CTNNA3: variants seen among roughly 807,000 people sequenced by gnomAD.
CTNNA3 encodes the protein catenin alpha 3.
Under a neutral mutation model 95.7 loss-of-function variants are expected in CTNNA3, and 76 were observed. That is an observed-to-expected ratio of 0.79 (90% CI 0.66 to 0.96). CTNNA3 has a LOEUF of 0.96. CTNNA3 is among the 40% of genes least tolerant of loss of function. The pLI is 0.00. For synonymous variants in CTNNA3, 431 were observed against 374.4 expected (o/e 1.15, Z -1.74); for missense variants, 1,191 against 1,089.8 (o/e 1.09, Z -1.31).
intron 13 of CTNNA3, among the ~76,000 whole-genome samples, chr10:66,199,304 G>GC (rs940879862): frequency 2.6e-5 from 4 of 151,968 alleles, no homozygotes; most frequent in African/African-American, 9.7e-5. Context: ...ATAGTACATT[G>GC]TTTTCAACCT....
chr10:67,430,571 G>T (rs2132894990), intron 5 of CTNNA3, among the ~76,000 whole-genome samples: 1 of 151,928 alleles, frequency 6.6e-6, no homozygotes, highest in Non-Finnish European at 1.5e-5. Context: ...GGAGATGGAA[G>T]GAGATAATAG....
At chr10:66,039,775 C>A (rs1457829000) in intron 15 of CTNNA3, among the ~76,000 whole-genome samples, 1 of 152,136 alleles carries the variant, frequency 6.6e-6, no homozygotes, top group Non-Finnish European at 1.5e-5. Flanking sequence ...ACTATAAAAA[C>A]CCTGGAAGAA....
chr10:66,013,975 C>T (rs1337833028), intron 15 of CTNNA3, among the ~76,000 whole-genome samples: 1 of 152,122 alleles, frequency 6.6e-6, no homozygotes, highest in Non-Finnish European at 1.5e-5. Flanking sequence ...TAATACTTTC[C>T]TTTAAAACCT....
At chr10:67,108,830 G>GT (rs1293245637) in intron 7 of CTNNA3, among the ~76,000 whole-genome samples, 8 of 151,928 alleles carry the variant, frequency 5.3e-5, no homozygotes, top group African/African-American at 1.7e-4. Flanking sequence ...TAGCTACTCA[G>GT]TTTTTTCTAG....
chr10:67,086,634 G>A (rs1857326590), intron 7 of CTNNA3, among the ~76,000 whole-genome samples: 1 of 151,886 alleles, frequency 6.6e-6, no homozygotes, highest in Non-Finnish European at 1.5e-5. Flanking sequence ...AATGCCAGTT[G>A]GAAAGCAAGT....
chr10:67,223,553 C>T (rs983523344), intron 5 of CTNNA3, among the ~76,000 whole-genome samples: 3 of 151,930 alleles, frequency 2.0e-5, no homozygotes, highest in African/African-American at 2.4e-5. Context: ...TTCCAGCTGA[C>T]GAAGAAACAC....
chr10:66,866,368 T>C (rs9414948), intron 7 of CTNNA3, among the ~76,000 whole-genome samples: 33,803 of 152,172 alleles, frequency 0.22, 4,319 homozygotes, highest in African/African-American at 0.35. Flanking sequence ...CTTTGCATCC[T>C]CCACTAGAGC....
At chr10:66,934,046 G>C (rs185923251) in intron 7 of CTNNA3, among the ~76,000 whole-genome samples, 3 of 152,004 alleles carry the variant, frequency 2.0e-5, no homozygotes, top group African/African-American at 7.2e-5. Flanking sequence ...TCCTGAACAC[G>C]TGAGGAAAAT....
chr10:66,410,938 A>G (rs903961658), intron 11 of CTNNA3, among the ~76,000 whole-genome samples: 4 of 152,204 alleles, frequency 2.6e-5, no homozygotes, highest in Non-Finnish European at 5.9e-5. Context: ...CTCAATATAT[A>G]GAAGAGTATA....
intron 15 of CTNNA3, among the ~76,000 whole-genome samples, chr10:65,997,308 TAAG>T (rs1423258806): frequency 6.6e-6 from 1 of 152,202 alleles, no homozygotes; most frequent in Non-Finnish European, 1.5e-5. Flanking sequence ...GGACAATTAA[TAAG>T]AAGTACTGAA....
At chr10:65,922,838 G>T (rs779619901) in intron 17 of CTNNA3, among the ~76,000 whole-genome samples, 7 of 152,134 alleles carry the variant, frequency 4.6e-5, no homozygotes, top group Non-Finnish European at 8.8e-5. Context: ...AGGTTTAATT[G>T]ACTCACAGTT....
At chr10:67,244,783 T>A (rs1039669587) in intron 5 of CTNNA3, among the ~76,000 whole-genome samples, 1 of 152,194 alleles carries the variant, frequency 6.6e-6, no homozygotes, top group African/African-American at 2.4e-5. Context: ...AAAACCGGTA[T>A]GAAAGTCAGT....
chr10:67,526,470 G>T (rs980853503), intron 4 of CTNNA3, among the ~76,000 whole-genome samples: 1 of 151,848 alleles, frequency 6.6e-6, no homozygotes. Flanking sequence ...CTGGCCTTGA[G>T]GTCTGAGGTT....
At chr10:66,117,212 G>A (rs2082378331) in intron 13 of CTNNA3, among the ~76,000 whole-genome samples, 1 of 152,044 alleles carries the variant, frequency 6.6e-6, no homozygotes, top group Non-Finnish European at 1.5e-5. Context: ...TTATACATAA[G>A]CCAATAAAAC....
intron 7 of CTNNA3, among the ~76,000 whole-genome samples, chr10:66,826,915 C>A (rs1842536012): frequency 6.6e-6 from 1 of 152,208 alleles, no homozygotes; most frequent in African/African-American, 2.4e-5. Flanking sequence ...CCACTCCCAG[C>A]CTCCAGCCTG....
chr10:67,479,945 G>A (rs1410394535), intron 5 of CTNNA3, among the ~76,000 whole-genome samples: 2 of 152,056 alleles, frequency 1.3e-5, no homozygotes, highest in Admixed American at 6.6e-5. Flanking sequence ...GATCCTCAGA[G>A]ACTATTATGA....
At chr10:67,620,515 A>T (rs999347769) in intron 2 of CTNNA3, among the ~76,000 whole-genome samples, 1 of 152,188 alleles carries the variant, frequency 6.6e-6, no homozygotes. Flanking sequence ...TCAGTTTACC[A>T]TCTTATTGGC....
rs1056872813 is a variant in CTNNA3 at position 66,570,301 on chromosome 10, T to G, written c.1375-49528A>C. On this transcript the variant is annotated intron_variant, in intron 10 of 17. Coordinates refer to ENST00000433211, the MANE Select transcript of CTNNA3 (RefSeq NM_013266.4). Reference sequence around the variant, plus strand: ...TTTGTTTTGTTTTGTTTTGTTTTGTTTTGTTTTGACAGAGTCTCGCTCTGT... The same window carrying G: ...TTTGTTTTGTTTTGTTTTGTTTTGTGTTGTTTTGACAGAGTCTCGCTCTGT... 4.7e-5 allele frequency among the ~76,000 whole-genome samples: 7 copies of G among 149,966 alleles called. No homozygotes were observed. The East Asian group carries it at 1.4e-3, about 29-fold the overall frequency.
intron 10 of CTNNA3, among the ~76,000 whole-genome samples, chr10:66,590,618 G>A (rs146171850): frequency 3.8e-4 from 58 of 152,164 alleles, no homozygotes; most frequent in African/African-American, 1.4e-3. Flanking sequence ...TTGATTCAGT[G>A]AGGGTAATTT....
Sources: gnomAD v4.1 joint callset for allele counts (sites outside exome capture counted in the v4.1 genomes callset) on GRCh38, gnomAD v4.1.1 for gene constraint, MANE v1.5 for transcripts, NCBI Gene and HGNC (gene_info 2026-07-23, HGNC 2026-07-21) for gene names.